CATSPERG: variants seen among roughly 807,000 people sequenced by gnomAD.
CATSPERG encodes catsper channel auxiliary subunit gamma.
In CATSPERG, 115 loss-of-function variants were observed where a neutral mutation model predicts 145.0. The ratio of observed to expected loss-of-function variants is 0.79; its 90% CI spans 0.68 to 0.93. The LOEUF (loss-of-function observed/expected upper bound fraction) is 0.93. CATSPERG is among the 40% of genes least tolerant of loss of function. The probability of loss-of-function intolerance (pLI) is 0.00; values close to 1 mark genes in which losing one functional copy is unlikely to be tolerated. For synonymous variants in CATSPERG, 588 were observed against 589.0 expected, an observed-to-expected ratio of 1.00 and a Z score of 0.02; for missense variants, 1,296 against 1,490.1, an observed-to-expected ratio of 0.87 and a Z score of 2.14.
chr19:38,361,271 G>A lies in CATSPERG; in HGVS notation c.1881-377G>A, dbSNP rs778839540. ...GGACTGCAGGATCGGATTTTACCGC[G>A]TGCCGTAATGATGCCTCCGGTCATC... On this transcript the variant is annotated intron_variant, in intron 16 of 28. Transcript: ENST00000409235. Among the ~76,000 whole-genome samples the A allele has an allele frequency of 5.3e-5, 8 of 152,272 alleles. No homozygotes were observed. The East Asian group carries it at 1.4e-3, about 26-fold the overall frequency.
At chr19:38,336,981 G>A (rs1419381536) in intron 1 of CATSPERG, 2 of 576,972 alleles carry the variant, frequency 3.5e-6, no homozygotes, top group Admixed American at 6.1e-5. Flanking sequence ...GGGACCAGGA[G>A]CAAGTGCAGA....
chr19:38,353,332 T>TA (rs1324725073), intron 8 of CATSPERG, among the ~76,000 whole-genome samples: 7 of 149,294 alleles, frequency 4.7e-5, no homozygotes, highest in Non-Finnish European at 5.9e-5. Context: ...AGACTCAGTT[T>TA]AAAAAAAAGA....
rs573718128 is a variant in CATSPERG at position 38,369,426 on chromosome 19, A to G, written c.3021-546A>G. On this transcript the variant is annotated intron_variant, in intron 26 of 28. Coordinates refer to ENST00000409235, the MANE Select transcript of CATSPERG (RefSeq NM_021185.5). ...CAGGTGCATGCCACCATGCCCCGCT[A>G]ATTTTTGTATTTTTTGTAGAGACGG... is the stretch of plus-strand genomic sequence containing the variant. 544 of 202,802 alleles carry G rather than the reference A, an allele frequency of 2.7e-3. 3 individuals carry two copies. The highest frequency in any genetic ancestry group is 0.012 in the African/African-American group (510 of 42,132). 12.6% of individuals were successfully genotyped at this position (202,802 alleles called of 1,614,324 possible).
rs1459508519 is a variant in CATSPERG at position 38,356,855 on chromosome 19, A to G, written c.1309A>G (p.Asn437Asp). 1 of 1,613,964 alleles carries G rather than the reference A, an allele frequency of 6.2e-7. No individual in the cohort carries two copies. The highest frequency in any genetic ancestry group is 2.2e-5 in the East Asian group (1 of 44,890). Residue 437 changes from asparagine to aspartate, a missense_variant, in exon 11 of 29, where the codon AAC becomes GAC. Physicochemically the swap from Asn to Asp is conservative, Grantham distance 23. Coordinates refer to ENST00000409235, the MANE Select transcript of CATSPERG (RefSeq NM_021185.5). ...ASKRFQVVSY[N>D]TASDDLELLY... is the part of the protein sequence containing the mutation. ...TAAACGTTTCCAGGTGGTCAGCTAC[A>G]ACACAGGTAATGAGGGTGATGCAAG...
Position 38,362,699 on chromosome 19 carries a change from T to A in CATSPERG, c.2357-15T>A. On this transcript the variant is annotated splice_polypyrimidine_tract_variant and intron_variant, in intron 19 of 28. Transcript: ENST00000409235. ...CTGTGAGGGAGGCCTTAACCCCGTT[T>A]ACTGCCCGGAGCAGGCACCGCCTTC... 1 of 1,613,604 alleles carries A rather than the reference T, an allele frequency of 6.2e-7. No homozygotes were observed. Among genetic ancestry groups the A allele is most frequent in the Non-Finnish European group, 8.5e-7 (1 of 1,179,620 alleles).
At chr19:38,362,090 T>G in intron 17 of CATSPERG, 120 bp from the exon 18 acceptor site, 1 of 1,143,440 alleles carries the variant, frequency 8.7e-7, no homozygotes, top group South Asian at 1.4e-5. Flanking sequence ...CTGGGGTGTG[T>G]ATCTTCTGCT....
At chr19:38,351,879 C>A (rs1329472173) in intron 7 of CATSPERG, among the ~76,000 whole-genome samples, 1 of 152,164 alleles carries the variant, frequency 6.6e-6, no homozygotes. Context: ...ACCACTCCAG[C>A]CTGGGTGACA....
At chr19:38,346,423 G>A (rs1217531813) in intron 6 of CATSPERG, 27 bp from the exon 7 acceptor site, 36 of 1,510,156 alleles carry the variant, frequency 2.4e-5, no homozygotes, top group Middle Eastern at 1.7e-4. Context: ...GGAGAGTGTT[G>A]GCGTCCCTCC....
At chr19:38,338,728 G>T (rs1969886717) in intron 3 of CATSPERG, among the ~76,000 whole-genome samples, 1 of 152,156 alleles carries the variant, frequency 6.6e-6, no homozygotes, top group South Asian at 2.1e-4. Flanking sequence ...TAGCCTAGGT[G>T]AATTTGGCTG....
intron 8 of CATSPERG, among the ~76,000 whole-genome samples, chr19:38,354,040 C>A (rs1251177783): frequency 2.9e-5 from 4 of 136,646 alleles, no homozygotes; most frequent in African/African-American, 5.3e-5. Flanking sequence ...TCTCTTATTT[C>A]TTCCAGTTTC....
chr19:38,344,181 C>T lies in CATSPERG; in HGVS notation c.596+62C>T, dbSNP rs535957915. 2.0e-5 allele frequency: 31 copies of T among 1,547,630 alleles called. No individual in the cohort carries two copies. The South Asian group carries it at 3.7e-4, about 18-fold the overall frequency. On this transcript the variant is annotated intron_variant, in intron 5 of 28. Coordinates refer to ENST00000409235, the MANE Select transcript of CATSPERG (RefSeq NM_021185.5). Reference sequence around the variant, plus strand: ...GGGGGAATTCCTCACCCCAGGGTCCCCAGAGGAGCCAGTGGGAGATCCAAG... The same window carrying T: ...GGGGGAATTCCTCACCCCAGGGTCCTCAGAGGAGCCAGTGGGAGATCCAAG...
intron 11 of CATSPERG, 188 bp from the exon 12 acceptor site, chr19:38,358,090 C>A: frequency 4.9e-6 from 3 of 610,752 alleles, no homozygotes; most frequent in Non-Finnish European, 8.7e-6. Flanking sequence ...TGCACTCCAG[C>A]CTGGGCGACA....
chr19:38,361,979 T>C (rs1183728873), intron 17 of CATSPERG, 118 bp downstream of exon 17: 2 of 44,934 alleles, frequency 4.5e-5, no homozygotes, highest in Non-Finnish European at 8.6e-5. Context: ...GGACTGGTGG[T>C]GGGTGGGCGG....
chr19:38,362,178 A>C, intron 17 of CATSPERG, 32 bp from the exon 18 acceptor site: 1 of 1,562,390 alleles, frequency 6.4e-7, no homozygotes, highest in Non-Finnish European at 8.7e-7. Flanking sequence ...CCCGCTGCCC[A>C]ATCCCTTCAC....
At chr19:38,353,259 A>G (rs1970179350) in intron 8 of CATSPERG, among the ~76,000 whole-genome samples, 1 of 151,928 alleles carries the variant, frequency 6.6e-6, no homozygotes, top group Non-Finnish European at 1.5e-5. Flanking sequence ...GCTTGAACCC[A>G]GGAAGCAGAG....
chr19:38,360,593 C>A lies in CATSPERG; in HGVS notation c.1713C>A (p.Tyr571Ter), dbSNP rs766667192. ...SLKLMQQSSL[Y>*]ASNETMLTLF... is the part of the protein sequence containing the mutation. ...AGCTGATGCAACAGTCCTCTCTCTA[C>A]GCATCCAATGAGACCATGCTGACCC... is the stretch of plus-strand genomic sequence containing the variant. The change falls in exon 15 of 29, where the codon TAC (tyrosine) becomes TAA (stop). Residue 571 changes from tyrosine (Y) to a stop codon, truncating the protein, a stop_gained. Transcript: ENST00000409235. LOFTEE classifies it high-confidence loss of function. The A allele has an allele frequency of 6.2e-7, 1 of 1,614,226 alleles. No individual in the cohort carries two copies. Among genetic ancestry groups the A allele is most frequent in the South Asian group, 1.1e-5 (1 of 91,088 alleles).
chr19:38,358,155 A>T (rs758002089), intron 11 of CATSPERG, 123 bp from the exon 12 acceptor site: 7 of 896,654 alleles, frequency 7.8e-6, no homozygotes, highest in Non-Finnish European at 1.2e-5. Context: ...AGGACTAGCA[A>T]ACCCGAGTGG....
Position 38,356,738 on chromosome 19 carries a change from TC to T in CATSPERG, c.1196-3del, listed in dbSNP as rs1568378277. On this transcript the variant is annotated splice_region_variant and splice_polypyrimidine_tract_variant and intron_variant, in intron 10 of 28. Transcript: ENST00000409235. ...CGGCTCTGGACTGCCCCTTTCCCTC[TC>T]AGTTACCACCTGCTCCATAATTTGG... The T allele has an allele frequency of 6.2e-7, 1 of 1,613,990 alleles. No homozygotes were observed. Among genetic ancestry groups the T allele is most frequent in the Non-Finnish European group, 8.5e-7 (1 of 1,179,948 alleles).
intron 8 of CATSPERG, 167 bp downstream of exon 8, chr19:38,352,599 T>A: frequency 6.1e-6 from 2 of 327,958 alleles, no homozygotes; most frequent in Non-Finnish European, 1.1e-5. Context: ...CTTGCCCTTT[T>A]TTTTTTTTTT....
Sources: gnomAD v4.1 joint callset for allele counts (sites outside exome capture counted in the v4.1 genomes callset) on GRCh38, gnomAD v4.1.1 for gene constraint, MANE v1.5 for transcripts, NCBI Gene and HGNC (gene_info 2026-07-23, HGNC 2026-07-21) for gene names.